Variants in HACD4 observed in about 807,000 individuals in gnomAD.
HACD4 encodes the protein very-long-chain (3R)-3-hydroxyacyl-CoA dehydratase 4.
A neutral mutation model predicts 33.3 loss-of-function variants in HACD4; 35 were observed. The observed-to-expected ratio is 1.05, with a 90% CI of 0.80 to 1.39. The LOEUF is 1.39. HACD4 is among the 40% of genes most tolerant of loss of function. The pLI is 0.00. For missense variants in HACD4, 323 were observed against 276.5 expected, an observed-to-expected ratio of 1.17 and a Z score of -1.19; for synonymous variants, 118 against 98.0, an observed-to-expected ratio of 1.20 and a Z score of -1.21.
rs1405332449 is a variant in HACD4, at chr9:21,000,304, T to G, written c.*6733A>C. ...GTTCAGAACTACTATTTAAGGATTT[T>G]TAAAGCCATAAAAAATCATCCCTGT... On this transcript the variant is annotated 3_prime_UTR_variant, in exon 7 of 7. Transcript: ENST00000495827. 2 of 152,216 alleles carry G rather than the reference T, an allele frequency of 1.3e-5. No individual in the cohort carries two copies. The highest frequency in any genetic ancestry group is 4.8e-5 in the African/African-American group (2 of 41,454). 9.4% of individuals were successfully genotyped at this position (152,216 alleles called of 1,614,324 possible). A position where few individuals can be genotyped will look rare whatever the true frequency, so the allele number is the denominator to read the frequency against.
At chr9:21,019,611 T>A (rs534779695) in intron 3 of HACD4, among the ~76,000 whole-genome samples, 2 of 152,194 alleles carry the variant, frequency 1.3e-5, no homozygotes, top group South Asian at 4.1e-4. Context: ...ATTAAAAAAT[T>A]CAATCTCAAC....
chr9:21,025,803 A>G (rs978257390), intron 3 of HACD4, among the ~76,000 whole-genome samples: 8 of 152,238 alleles, frequency 5.3e-5, no homozygotes, highest in African/African-American at 1.9e-4. Context: ...AGTTAAGAAA[A>G]TAGTAATAAT....
At chr9:21,029,478 T>C (rs1818151544) in intron 1 of HACD4, 80 bp from the exon 2 acceptor site, 1 of 821,372 alleles carries the variant, frequency 1.2e-6, no homozygotes, top group Non-Finnish European at 1.9e-6. Context: ...TTTAATGTAC[T>C]GGCCAACCTG....
chr9:21,017,314 A>G (rs1478650537), intron 3 of HACD4, among the ~76,000 whole-genome samples: 2 of 152,130 alleles, frequency 1.3e-5, no homozygotes, highest in Admixed American at 6.6e-5. Flanking sequence ...TACAGTGGTG[A>G]GTCAAGAGGG....
At chr9:21,012,936 G>A (rs10964793) in intron 4 of HACD4, among the ~76,000 whole-genome samples, 27,714 of 151,782 alleles carry the variant, frequency 0.18, 3,132 homozygotes, top group Non-Finnish European at 0.25. Flanking sequence ...GCGTGGTGGC[G>A]GGTGCCTGTA....
Position 21,000,744 on chromosome 9 carries a change from A to AT in HACD4, c.*6292dup, listed in dbSNP as rs1330560822. ...GATAGATACTGGGTAAAGGAAGATA[A>AT]TTTTTAGCATATTTTAACCTTAATT... On this transcript the variant is annotated 3_prime_UTR_variant, in exon 7 of 7. Coordinates refer to ENST00000495827, the MANE Select transcript of HACD4 (RefSeq NM_001010915.5). 2 of 152,290 alleles carry AT rather than the reference A, an allele frequency of 1.3e-5. No homozygotes were observed. The highest frequency in any genetic ancestry group is 3.9e-4 in the East Asian group (2 of 5,192). 9.4% of individuals were successfully genotyped at this position (152,290 alleles called of 1,614,324 possible). A position where few individuals can be genotyped will look rare whatever the true frequency, so the allele number is the denominator to read the frequency against.
At chr9:21,030,742 A>G (rs1401335351) in intron 1 of HACD4, among the ~76,000 whole-genome samples, 1 of 152,252 alleles carries the variant, frequency 6.6e-6, no homozygotes. Context: ...ATACATATCG[A>G]AAGCAGTTTA....
chr9:21,019,024 C>T (rs1817831655), intron 3 of HACD4, among the ~76,000 whole-genome samples: 1 of 152,230 alleles, frequency 6.6e-6, no homozygotes, highest in South Asian at 2.1e-4. Flanking sequence ...TCTAAACTCT[C>T]AATCCTCTGA....
chr9:21,008,226 AG>A, intron 5 of HACD4, 80 bp from the exon 6 acceptor site: 1 of 1,214,822 alleles, frequency 8.2e-7, no homozygotes, highest in East Asian at 2.7e-5. Flanking sequence ...TCATAGTTGT[AG>A]GATATTTTGA....
intron 6 of HACD4, among the ~76,000 whole-genome samples, chr9:21,007,551 A>G (rs1395963136): frequency 2.0e-5 from 3 of 152,164 alleles, no homozygotes; most frequent in Non-Finnish European, 4.4e-5. Flanking sequence ...TTAATGATCA[A>G]ATTTATTCAA....
intron 2 of HACD4, 21 bp downstream of exon 2, chr9:21,029,274 A>T: frequency 7.2e-6 from 10 of 1,383,778 alleles, no homozygotes; most frequent in Non-Finnish European, 1.0e-5. Flanking sequence ...TAAAAATAAA[A>T]AAACTGTTTC....
At chr9:21,007,893 T>C (rs915595998) in intron 6 of HACD4, 128 bp downstream of exon 6, 23 of 728,806 alleles carry the variant, frequency 3.2e-5, no homozygotes, top group Admixed American at 9.3e-5. Context: ...TAGCAAGATC[T>C]AGTTCATGAT....
At chr9:21,023,272 A>G in intron 3 of HACD4, among the ~76,000 whole-genome samples, 1 of 151,932 alleles carries the variant, frequency 6.6e-6, no homozygotes, top group East Asian at 1.9e-4. Flanking sequence ...AATATAAATG[A>G]CGAGTTAATG....
intron 3 of HACD4, among the ~76,000 whole-genome samples, chr9:21,025,171 T>C (rs1407227506): frequency 3.0e-4 from 45 of 152,164 alleles, no homozygotes; most frequent in Admixed American, 2.9e-3. Flanking sequence ...CCCTAACTTT[T>C]ATTTTATATT....
rs981753120 is a variant in HACD4, at chr9:21,001,285, C to A, written c.*5752G>T. 2 of 151,502 alleles carry A rather than the reference C, an allele frequency of 1.3e-5. No individual in the cohort carries two copies. Among genetic ancestry groups the A allele is most frequent in the African/African-American group, 4.9e-5 (2 of 41,224 alleles). 9.4% of individuals were successfully genotyped at this position (151,502 alleles called of 1,614,324 possible). A position where few individuals can be genotyped will look rare whatever the true frequency, so the allele number is the denominator to read the frequency against. ...AAAGAAATTCAAGAGCTGGAAAGTACGATAATTGAAATGAAAAACTCACTA... is the reference window on the plus strand; with the variant it reads ...AAAGAAATTCAAGAGCTGGAAAGTAAGATAATTGAAATGAAAAACTCACTA... On this transcript the variant is annotated 3_prime_UTR_variant, in exon 7 of 7. Coordinates refer to ENST00000495827, the MANE Select transcript of HACD4 (RefSeq NM_001010915.5).
chr9:21,009,626 G>T (rs775472583), intron 5 of HACD4, among the ~76,000 whole-genome samples: 35 of 152,276 alleles, frequency 2.3e-4, no homozygotes, highest in Non-Finnish European at 4.4e-4. Flanking sequence ...AATGTGGAAT[G>T]ATTAAATCAA....
rs141838060 is a variant in HACD4, at chr9:21,024,582, G to T, written c.270+2014C>A. Among the ~76,000 whole-genome samples, 329 of 152,316 alleles carry T rather than the reference G, an allele frequency of 2.2e-3. 3 individuals are homozygous for T. The highest frequency in any genetic ancestry group is 1.4e-3 in the Non-Finnish European group (92 of 68,018). The stretch of plus-strand genomic sequence containing the variant: ...TTCCTCCAAGAAATCAGATTTCTAA[G>T]TTATATAATAATTTCTATTACTAAA... On this transcript the variant is annotated intron_variant, in intron 3 of 6. Coordinates refer to ENST00000495827, the MANE Select transcript of HACD4 (RefSeq NM_001010915.5).
At chr9:21,015,201 C>A (rs1318983149) in intron 4 of HACD4, 3 of 151,772 alleles carry the variant, frequency 2.0e-5, no homozygotes, top group African/African-American at 7.3e-5. Flanking sequence ...ATTTACATAC[C>A]CTTGGCTGAA....
intron 6 of HACD4, among the ~76,000 whole-genome samples, chr9:21,007,619 C>T (rs1842301436): frequency 6.6e-6 from 1 of 152,078 alleles, no homozygotes. Flanking sequence ...TCCCATTTGC[C>T]TGATAGGAAG....
Sources: gnomAD v4.1 joint callset for allele counts (sites outside exome capture counted in the v4.1 genomes callset) on GRCh38, gnomAD v4.1.1 for gene constraint, MANE v1.5 for transcripts, NCBI Gene and HGNC (gene_info 2026-07-23, HGNC 2026-07-21) for gene names.